Variants in ANGPT4 observed in about 807,000 individuals in gnomAD.
ANGPT4 encodes angiopoietin-4.
Under a neutral mutation model 53.0 loss-of-function variants are expected in ANGPT4, and 50 were observed. The observed-to-expected ratio is 0.94, with a 90% CI of 0.75 to 1.20. ANGPT4 has a LOEUF of 1.20. ANGPT4 is among the 50% of genes most tolerant of loss of function. ANGPT4 has a pLI of 0.00. For synonymous variants in ANGPT4, 251 were observed against 259.7 expected (o/e 0.97, Z 0.32); for missense variants, 648 against 637.1 (o/e 1.02, Z -0.18).
At chr20:894,765 C>G (rs1486302599) in intron 1 of ANGPT4, among the ~76,000 whole-genome samples, 1 of 152,198 alleles carries the variant, frequency 6.6e-6, no homozygotes, top group Non-Finnish European at 1.5e-5. Flanking sequence ...TGAACATAGA[C>G]AAACTGAGGC....
chr20:900,644 A>G (rs1031228417), intron 1 of ANGPT4, among the ~76,000 whole-genome samples: 4 of 152,224 alleles, frequency 2.6e-5, no homozygotes, highest in Admixed American at 2.0e-4. Flanking sequence ...TAATATAAAA[A>G]GACAGGAATA....
chr20:907,748 T>C (rs1982530970), intron 1 of ANGPT4, among the ~76,000 whole-genome samples: 2 of 152,266 alleles, frequency 1.3e-5, no homozygotes, highest in South Asian at 4.2e-4. Flanking sequence ...GCTAGAGTGA[T>C]CATGTGACAG....
chr20:879,942 C>A, intron 5 of ANGPT4, 94 bp from the exon 6 acceptor site: 1 of 787,292 alleles, frequency 1.3e-6, no homozygotes, highest in South Asian at 2.0e-5. Flanking sequence ...AGACAGACCC[C>A]CACAGAGCAA....
intron 1 of ANGPT4, among the ~76,000 whole-genome samples, chr20:896,222 A>G (rs1447224550): frequency 6.6e-6 from 1 of 152,222 alleles, no homozygotes; most frequent in Non-Finnish European, 1.5e-5. Context: ...CTCATCCTGT[A>G]TTAGGTATTA....
chr20:885,127 C>T lies in ANGPT4; in HGVS notation c.786G>A (p.Leu262=), dbSNP rs1366171625. The part of the protein sequence containing the change: ...QDQQHSLRQL[L]VLLRHLVQER... ...CTTGCACCAGGTGCCGCAACAACAC[C>T]AGCAGCTGGCGCAGGCTGTGCTGCT... is the stretch of plus-strand genomic sequence containing the variant. Residue 262 remains leucine (L), a synonymous_variant, in exon 4 of 9, where the codon CTG becomes CTA. Coordinates refer to ENST00000381922, the MANE Select transcript of ANGPT4 (RefSeq NM_015985.4). 1 of 1,613,110 alleles carries T rather than the reference C, an allele frequency of 6.2e-7. No homozygotes were observed. The highest frequency in any genetic ancestry group is 1.3e-5 in the African/African-American group (1 of 74,934).
At position 914,817 on chromosome 20, in the gene ANGPT4, T is replaced by C. The variant is rs1209387129; in HGVS notation, c.309+1089A>G. On this transcript the variant is annotated intron_variant, in intron 1 of 8. Transcript: ENST00000381922. The surrounding 1 kb of genome is among the most constrained non-coding windows in gnomAD (Gnocchi z 5.0). ...GGGCCAAGCCTGCTTTGCACACCTC[T>C]GTAGTCAGTGCTTCTCCGAGGGTAC... is the stretch of plus-strand genomic sequence containing the variant. 6.6e-6 allele frequency among the ~76,000 whole-genome samples: 1 copy of C among 152,128 alleles called. No homozygotes were observed. Among genetic ancestry groups the C allele is most frequent in the Non-Finnish European group, 1.5e-5 (1 of 68,018 alleles).
intron 1 of ANGPT4, among the ~76,000 whole-genome samples, chr20:891,746 C>G (rs1981855131): frequency 1.3e-5 from 2 of 152,334 alleles, no homozygotes; most frequent in East Asian, 3.9e-4. Flanking sequence ...ACTGTTCACT[C>G]CCATCCCTTC....
intron 8 of ANGPT4, among the ~76,000 whole-genome samples, chr20:874,004 C>A (rs1260285812): frequency 6.6e-6 from 1 of 151,746 alleles, no homozygotes; most frequent in South Asian, 2.1e-4. Flanking sequence ...TAGGGTGCCT[C>A]CCCCCCGGGG....
In ANGPT4 at chr20:910,793, G is replaced by A. The variant is rs111466357; in HGVS notation, c.309+5113C>T. On this transcript the variant is annotated intron_variant, in intron 1 of 8. Coordinates refer to ENST00000381922, the MANE Select transcript of ANGPT4 (RefSeq NM_015985.4). ...CGTCCTTTTGGGGGAAGTCGTCAGG[G>A]GGTCTGCTGCTGCTGGTGCCTGCCC... is the stretch of plus-strand genomic sequence containing the variant. Among the ~76,000 whole-genome samples the A allele has an allele frequency of 2.0e-4, 31 of 152,226 alleles. 1 individual carries two copies. Among genetic ancestry groups the A allele is most frequent in the African/African-American group, 7.0e-4 (29 of 41,534 alleles).
rs761338804 is a variant in ANGPT4, at chr20:878,308, C to T, written c.1073G>A (p.Gly358Glu). 2.5e-6 allele frequency: 4 copies of T among 1,606,620 alleles called. No individual in the cohort carries two copies. Among genetic ancestry groups the T allele is most frequent in the Non-Finnish European group, 2.6e-6 (3 of 1,173,872 alleles). Residue 358 changes from glycine (G) to glutamate (E), a missense_variant, in exon 7 of 9, where the codon GGG becomes GAG. Physicochemically the swap from Gly to Glu is moderately conservative, Grantham distance 98. Transcript: ENST00000381922. ...DYKQGFGDPA[G>E]EHWLGNEVVH... is the part of the protein sequence containing the mutation. ...CACTTCATTGCCCAGCCAGTGCTCC[C>T]CAGCTGGGTCTCCGAAGCCCTATAG...
At position 873,050 on chromosome 20, in the gene ANGPT4, G is replaced by C; in HGVS notation, c.1422C>G (p.Tyr474Ter). Residue 474 changes from tyrosine (Y) to a stop codon, truncating the protein, a stop_gained, in exon 9 of 9, where the codon TAC becomes TAG. Coordinates refer to ENST00000381922, the MANE Select transcript of ANGPT4 (RefSeq NM_015985.4). LOFTEE classifies it low-confidence loss of function (END_TRUNC). Reference sequence around the variant, plus strand: ...AGTGCCAGCGGATGCCGTCCATCTTGTACTTGTTGTCGGGAGCGTGGTAGT... The same window carrying C: ...AGTGCCAGCGGATGCCGTCCATCTTCTACTTGTTGTCGGGAGCGTGGTAGT... The part of the protein sequence containing the change: ...GVYYHAPDNK[Y>*]KMDGIRWHYF... 1 of 1,614,110 alleles carries C rather than the reference G, an allele frequency of 6.2e-7. No individual in the cohort carries two copies. The highest frequency in any genetic ancestry group is 8.5e-7 in the Non-Finnish European group (1 of 1,180,016).
At chr20:880,831 T>C (rs1013276380) in intron 5 of ANGPT4, among the ~76,000 whole-genome samples, 2 of 152,246 alleles carry the variant, frequency 1.3e-5, no homozygotes, top group African/African-American at 4.8e-5. Flanking sequence ...CTGGACTATA[T>C]GTAAACTAGA....
In ANGPT4 at chr20:902,296, C is replaced by T. The variant is rs367881629; in HGVS notation, c.310-11928G>A. On this transcript the variant is annotated intron_variant, in intron 1 of 8. Coordinates refer to ENST00000381922, the MANE Select transcript of ANGPT4 (RefSeq NM_015985.4). ...AGTCCCTAACTGATGTCCTGGACCC[C>T]CAGGGATCTGTGAATAGAATTCAAG... is the stretch of plus-strand genomic sequence containing the variant. 3.9e-5 allele frequency among the ~76,000 whole-genome samples: 6 copies of T among 151,962 alleles called. No homozygotes were observed. In the East Asian group the frequency reaches 1.2e-3, roughly 29 times the overall value.
chr20:902,340 TA>T (rs141370542), intron 1 of ANGPT4, among the ~76,000 whole-genome samples: 7,067 of 147,934 alleles, frequency 0.048, 515 homozygotes, highest in African/African-American at 0.16. Flanking sequence ...AAACTTGCAT[TA>T]AAAAAAAAAG....
At chr20:912,737 T>C (rs1191073540) in intron 1 of ANGPT4, among the ~76,000 whole-genome samples, 2 of 152,054 alleles carry the variant, frequency 1.3e-5, no homozygotes, top group Non-Finnish European at 2.9e-5. Flanking sequence ...CCATGCCTGA[T>C]GAGCACTGGC....
rs1981005785 is a variant in ANGPT4, at chr20:873,002, T to C, written c.1470A>G (p.Ser490=). The C allele has an allele frequency of 1.9e-6, 3 of 1,613,994 alleles. No homozygotes were observed. Among genetic ancestry groups the C allele is most frequent in the Non-Finnish European group, 2.5e-6 (3 of 1,180,020 alleles). ...RWHYFKGPSY[S]LRASRMMIRP... is the part of the protein sequence containing the mutation. Reference sequence around the variant, plus strand: ...GTATCATCATGCGAGAGGCACGCAGTGAGTAGCTGGGGCCCTTGAAGTAGT... The same window carrying C: ...GTATCATCATGCGAGAGGCACGCAGCGAGTAGCTGGGGCCCTTGAAGTAGT... Residue 490 remains serine, a synonymous_variant, in exon 9 of 9, where the codon TCA becomes TCG. Coordinates refer to ENST00000381922, the MANE Select transcript of ANGPT4 (RefSeq NM_015985.4).
At chr20:886,132 G>T (rs1195038941) in intron 3 of ANGPT4, among the ~76,000 whole-genome samples, 2 of 149,108 alleles carry the variant, frequency 1.3e-5, no homozygotes, top group Non-Finnish European at 3.0e-5. Flanking sequence ...TTTTGTAATG[G>T]ATTTAGAAGC....
At chr20:890,735 C>T (rs138477785) in intron 1 of ANGPT4, among the ~76,000 whole-genome samples, 3 of 152,288 alleles carry the variant, frequency 2.0e-5, no homozygotes, top group African/African-American at 7.2e-5. Context: ...CAGGTTCCTC[C>T]GTGACTGGGC....
intron 4 of ANGPT4, among the ~76,000 whole-genome samples, 156 bp downstream of exon 4, chr20:884,922 A>C (rs1981549955): frequency 6.6e-6 from 1 of 152,152 alleles, no homozygotes; most frequent in African/African-American, 2.4e-5. Flanking sequence ...TGACGCCATT[A>C]TTACTGTTTA....
Sources: allele counts gnomAD v4.1 joint callset (sites outside exome capture counted in the v4.1 genomes callset), GRCh38; gene constraint gnomAD v4.1.1; non-coding constraint Gnocchi (gnomAD v3.1); transcripts MANE v1.5; gene names NCBI Gene and HGNC (gene_info 2026-07-23, HGNC 2026-07-21).